Variants in EBF4 observed in about 807,000 individuals in gnomAD.
EBF4 encodes transcription factor COE4.
In EBF4, 34 loss-of-function variants were observed where a neutral mutation model predicts 67.1. The ratio of observed to expected loss-of-function variants is 0.51; its 90% confidence interval spans 0.39 to 0.67. The LOEUF (loss-of-function observed/expected upper bound fraction) is 0.67, where lower values mean the gene tolerates loss of function less well. EBF4 is among the 30% of genes least tolerant of loss of function. EBF4 has a pLI of 0.00. For synonymous variants in EBF4, 387 were observed against 377.7 expected, an observed-to-expected ratio of 1.02 and a Z score of -0.29; for missense variants, 837 against 873.3, an observed-to-expected ratio of 0.96 and a Z score of 0.52.
intron 4 of EBF4, 57 bp downstream of exon 4, chr20:2,706,321 C>T: frequency 6.5e-7 from 1 of 1,543,812 alleles, no homozygotes; most frequent in South Asian, 1.2e-5. Context: ...GACCCTGCCT[C>T]CCCCTGGTCT....
chr20:2,704,899 T>C (rs951983481), intron 1 of EBF4, among the ~76,000 whole-genome samples: 15 of 152,230 alleles, frequency 9.9e-5, no homozygotes, highest in African/African-American at 3.6e-4. Context: ...GGGCATGGTT[T>C]CTGATGAGCC....
At chr20:2,695,825 T>C (rs2087281018) in intron 1 of EBF4, among the ~76,000 whole-genome samples, 1 of 152,042 alleles carries the variant, frequency 6.6e-6, no homozygotes, top group African/African-American at 2.4e-5. Flanking sequence ...TGAGAAACTT[T>C]CACGGAAGTG....
exon 16 of EBF4, chr20:2,758,941 T>C: frequency 6.4e-7 from 1 of 1,551,808 alleles, no homozygotes; most frequent in Non-Finnish European, 8.7e-7. Flanking sequence ...CAAGTTTCAC[T>C]CTCCAGCCCG....
At position 2,708,170 on chromosome 20, in the gene EBF4, G is replaced by A. The variant is rs1234833308; in HGVS notation, c.488+150G>A. ...CTGGTGGCAGGTGATGAAGGGAGTG[G>A]TGAGGCCCCTGGGCACAGCGCTGGC... On this transcript the variant is annotated intron_variant, in intron 5 of 16. Transcript: ENST00000609451. 106 of 802,692 alleles carry A rather than the reference G, an allele frequency of 1.3e-4. 1 individual carries two copies. Among genetic ancestry groups the A allele is most frequent in the Non-Finnish European group, 3.9e-6 (2 of 518,396 alleles). The allele number at this position is 802,692 out of a possible 1,614,324, so 49.7% of individuals were successfully genotyped here.
chr20:2,702,734 C>A (rs967286314), intron 1 of EBF4, among the ~76,000 whole-genome samples: 6 of 152,136 alleles, frequency 3.9e-5, no homozygotes, highest in Non-Finnish European at 8.8e-5. Flanking sequence ...CTGTGGCAGC[C>A]ATTGTCACAG....
intron 7 of EBF4, 62 bp downstream of exon 7, chr20:2,748,692 G>A (rs565147642): frequency 2.0e-6 from 3 of 1,512,796 alleles, no homozygotes; most frequent in East Asian, 2.5e-5. Context: ...GGGGAGGGGA[G>A]GGGGAAGGGA....
At chr20:2,733,827 A>T (rs982017614) in intron 6 of EBF4, among the ~76,000 whole-genome samples, 2 of 152,008 alleles carry the variant, frequency 1.3e-5, no homozygotes, top group Admixed American at 6.6e-5. Flanking sequence ...AAAAAAAAAA[A>T]AAAGCAAAAA....
chr20:2,731,881 C>G (rs1243056035), intron 6 of EBF4, among the ~76,000 whole-genome samples: 1 of 152,176 alleles, frequency 6.6e-6, no homozygotes, highest in African/African-American at 2.4e-5. Flanking sequence ...CCAGGAGTAC[C>G]TCACCTTTCA....
exon 13 of EBF4, chr20:2,752,258 A>G (rs1273748722): frequency 1.6e-6 from 2 of 1,259,468 alleles, no homozygotes; most frequent in South Asian, 5.7e-5. Flanking sequence ...CCGGGGCCCG[A>G]GCCGGGTGCG....
chr20:2,695,577 G>C (rs2087276867), intron 1 of EBF4, among the ~76,000 whole-genome samples: 1 of 152,180 alleles, frequency 6.6e-6, no homozygotes, highest in Admixed American at 6.5e-5. Flanking sequence ...TCAGGACATA[G>C]ACTAGGAGCC....
Position 2,749,387 on chromosome 20 carries a change from G to C in EBF4, c.640-14G>C, listed in dbSNP as rs1471685563. 2.6e-6 allele frequency: 4 copies of C among 1,519,784 alleles called. No individual in the cohort carries two copies. Among genetic ancestry groups the C allele is most frequent in the Admixed American group, 2.1e-5 (1 of 48,618 alleles). 94.1% of individuals were successfully genotyped at this position (1,519,784 alleles called of 1,614,324 possible). ...CGAGGGCCCCAGCCAGGCTGGCCTC[G>C]GCTCTCCCCGCAGGTGGTGGTGTCC... On this transcript the variant is annotated splice_polypyrimidine_tract_variant and intron_variant, in intron 7 of 16. Coordinates refer to ENST00000609451, the Ensembl canonical transcript of EBF4.
At chr20:2,710,725 A>C (rs1018536216) in intron 6 of EBF4, among the ~76,000 whole-genome samples, 1 of 152,160 alleles carries the variant, frequency 6.6e-6, no homozygotes, top group Non-Finnish European at 1.5e-5. Flanking sequence ...CCACCCATCC[A>C]TTCCCCACCA....
intron 6 of EBF4, among the ~76,000 whole-genome samples, chr20:2,723,722 C>A (rs893763895): frequency 6.6e-6 from 1 of 152,092 alleles, no homozygotes; most frequent in African/African-American, 2.4e-5. Context: ...AAGTTTAGTT[C>A]ATTTACTTTA....
intron 6 of EBF4, among the ~76,000 whole-genome samples, chr20:2,729,073 A>G (rs1174567864): frequency 6.6e-6 from 1 of 152,180 alleles, no homozygotes; most frequent in Admixed American, 6.5e-5. Context: ...ACCATTTTAA[A>G]ATGTTTTTTG....
chr20:2,731,152 C>T (rs957248665), intron 6 of EBF4, among the ~76,000 whole-genome samples: 5 of 152,188 alleles, frequency 3.3e-5, no homozygotes, highest in East Asian at 1.9e-4. Flanking sequence ...CCGCCTCAGC[C>T]TCCCAAAGCG....
In EBF4 at chr20:2,751,863, CCCCTTGG is replaced by C; in HGVS notation, c.1108-58_1108-52del. 4 of 1,548,206 alleles carry C rather than the reference CCCCTTGG, an allele frequency of 2.6e-6. No individual in the cohort carries two copies. The highest frequency in any genetic ancestry group is 8.7e-7 in the Non-Finnish European group (1 of 1,146,034). ...GGGGGTGAGGAGGGGCTCCCGAGGG[CCCCTTGG>C]TCGCCCCCAGGGGCTGCCCCTCCGT... On this transcript the variant is annotated intron_variant, in intron 11 of 16. Coordinates refer to ENST00000609451, the Ensembl canonical transcript of EBF4. The surrounding 1 kb of genome is among the most constrained non-coding windows in gnomAD (Gnocchi z 5.2).
chr20:2,738,021 C>G (rs1007308840), intron 6 of EBF4, among the ~76,000 whole-genome samples: 1 of 151,854 alleles, frequency 6.6e-6, no homozygotes, highest in African/African-American at 2.4e-5. Context: ...CCTCCAGAAC[C>G]AGAGCCCACA....
At chr20:2,703,294 A>T (rs1425536881) in intron 1 of EBF4, among the ~76,000 whole-genome samples, 1 of 143,242 alleles carries the variant, frequency 7.0e-6, no homozygotes, top group Admixed American at 7.0e-5. Context: ...CTCCAAGCTG[A>T]GTATGGTGGC....
intron 6 of EBF4, among the ~76,000 whole-genome samples, chr20:2,730,305 T>C (rs936706322): frequency 3.9e-5 from 6 of 152,154 alleles, no homozygotes; most frequent in African/African-American, 1.4e-4. Context: ...TGGATTCTGT[T>C]GGCAGTCCCT....
Sources: gnomAD v4.1 joint callset for allele counts (sites outside exome capture counted in the v4.1 genomes callset) on GRCh38, gnomAD v4.1.1 for gene constraint, Gnocchi (gnomAD v3.1) non-coding constraint, MANE v1.5 for transcripts, NCBI Gene and HGNC (gene_info 2026-07-23, HGNC 2026-07-21) for gene names.